ATRN: variants seen among roughly 807,000 people sequenced by gnomAD.
ATRN encodes the protein attractin.
A neutral mutation model predicts 178.7 loss-of-function variants in ATRN; 54 were observed. The ratio of observed to expected loss-of-function variants is 0.30; its 90% confidence interval spans 0.24 to 0.38. ATRN has a LOEUF of 0.38. Among genes scored for constraint, ATRN ranks in the 10% least tolerant of loss-of-function variants. ATRN has a pLI of 1.00. For synonymous variants in ATRN, 636 were observed against 663.0 expected (o/e 0.96, Z 0.63); for missense variants, 1,443 against 1,815.1 (o/e 0.79, Z 3.73).
chr20:3,544,202 C>T (rs955388936), intron 3 of ATRN, among the ~76,000 whole-genome samples: 35 of 152,140 alleles, frequency 2.3e-4, no homozygotes, highest in Non-Finnish European at 4.0e-4. Flanking sequence ...CAGCTTGCTT[C>T]TCCCCCATGC....
rs2146146825 is a variant in ATRN, at chr20:3,520,622, G to A, written c.411-14631G>A. Among the ~76,000 whole-genome samples the A allele has an allele frequency of 2.0e-5, 3 of 152,276 alleles. No individual in the cohort carries two copies. The South Asian group carries it at 6.2e-4, about 32-fold the overall frequency. ...TGATTCTTGTGCCTCAGACTCAAGA[G>A]TACTTGGGATTATAGGAGTGTGCCA... On this transcript the variant is annotated intron_variant, in intron 1 of 28. Transcript: ENST00000262919.
At chr20:3,540,367 G>C (rs373430377) in intron 3 of ATRN, 32 bp downstream of exon 3, 1 of 1,352,246 alleles carries the variant, frequency 7.4e-7, no homozygotes, top group Admixed American at 2.0e-5. Context: ...TTCTTTCATC[G>C]TTTGATTTCT....
At chr20:3,605,305 T>C (rs1357594255) in intron 24 of ATRN, among the ~76,000 whole-genome samples, 2 of 152,138 alleles carry the variant, frequency 1.3e-5, no homozygotes, top group South Asian at 2.1e-4. Flanking sequence ...ACACTGTTGG[T>C]GGGAGTGTAA....
At chr20:3,526,028 C>T (rs762693946) in intron 1 of ATRN, among the ~76,000 whole-genome samples, 4 of 151,930 alleles carry the variant, frequency 2.6e-5, no homozygotes, top group Non-Finnish European at 5.9e-5. Flanking sequence ...CCTATTCAAC[C>T]TAATATGGAA....
intron 1 of ATRN, among the ~76,000 whole-genome samples, chr20:3,520,060 T>C (rs1305793021): frequency 1.3e-5 from 2 of 152,184 alleles, no homozygotes; most frequent in East Asian, 1.9e-4. Flanking sequence ...AACAGTGAAC[T>C]TGTTTTTATG....
chr20:3,591,228 A>T lies in ATRN; in HGVS notation c.3244A>T (p.Asn1082Tyr). 1 of 1,614,198 alleles carries T rather than the reference A, an allele frequency of 6.2e-7. No individual in the cohort carries two copies. Among genetic ancestry groups the T allele is most frequent in the East Asian group, 2.2e-5 (1 of 44,890 alleles). The change falls in exon 19 of 29, where the codon AAC becomes TAC. Residue 1082 changes from asparagine to tyrosine, a missense_variant. Transcript: ENST00000262919. ...INQSICEKCE[N>Y]LTTGKHCETC... is the part of the protein sequence containing the mutation. ...TCAGAGCATCTGTGAGAAGTGTGAG[A>T]ACCTGACCACAGGCAAGCACTGCGA...
At chr20:3,492,141 G>A (rs2084802403) in intron 1 of ATRN, among the ~76,000 whole-genome samples, 1 of 150,374 alleles carries the variant, frequency 6.7e-6, no homozygotes, top group Admixed American at 6.7e-5. Flanking sequence ...TATACAAGAA[G>A]GGTTGAGAGC....
chr20:3,643,779 A>G (rs1007040240), intron 27 of ATRN, among the ~76,000 whole-genome samples: 1 of 152,232 alleles, frequency 6.6e-6, no homozygotes, highest in South Asian at 2.1e-4. Context: ...ATGCAGAACT[A>G]TCTGACAAAT....
chr20:3,611,934 GT>G (rs1192111826), intron 24 of ATRN, among the ~76,000 whole-genome samples: 1 of 152,116 alleles, frequency 6.6e-6, no homozygotes. Flanking sequence ...AAAATACTTT[GT>G]TTCTTAAAAA....
At chr20:3,626,333 A>G (rs576295983) in intron 25 of ATRN, among the ~76,000 whole-genome samples, 5 of 151,988 alleles carry the variant, frequency 3.3e-5, no homozygotes, top group African/African-American at 1.2e-4. Context: ...AGTGTCCAGT[A>G]TAATATTGAG....
intron 1 of ATRN, among the ~76,000 whole-genome samples, chr20:3,523,796 A>T (rs1381397651): frequency 6.6e-6 from 1 of 152,170 alleles, no homozygotes; most frequent in African/African-American, 2.4e-5. Context: ...TTCAACCCAG[A>T]ATTTCATATC....
At chr20:3,608,092 TGGTATATTCTGGTTATAAATCCCTTGTTG>T (rs2086701553) in intron 24 of ATRN, among the ~76,000 whole-genome samples, 1 of 152,220 alleles carries the variant, frequency 6.6e-6, no homozygotes, top group Non-Finnish European at 1.5e-5. Flanking sequence ...TTTGAATTGC[TGGTATATTCTGGTTATAAATCCCTTGTTG>T]GATGGATAGT....
chr20:3,582,530 C>T (rs2086295413), intron 16 of ATRN, among the ~76,000 whole-genome samples, 176 bp downstream of exon 16: 1 of 152,036 alleles, frequency 6.6e-6, no homozygotes, highest in Non-Finnish European at 1.5e-5. Context: ...TATTCTGGGA[C>T]CCTGAATAGT....
chr20:3,594,602 G>C (rs768568902), intron 20 of ATRN, 30 bp downstream of exon 20: 1 of 1,568,088 alleles, frequency 6.4e-7, no homozygotes, highest in Non-Finnish European at 8.7e-7. Context: ...GACCACCAGG[G>C]AGGACCAAGA....
chr20:3,622,673 T>G (rs998882604), intron 24 of ATRN, among the ~76,000 whole-genome samples: 4 of 152,270 alleles, frequency 2.6e-5, no homozygotes, highest in African/African-American at 9.6e-5. Context: ...AGTGCTTTCA[T>G]AAACATTTTC....
chr20:3,605,112 C>T (rs1033135220), intron 24 of ATRN, among the ~76,000 whole-genome samples: 6 of 152,120 alleles, frequency 3.9e-5, no homozygotes, highest in Admixed American at 3.9e-4. Flanking sequence ...TGTTCAGAAG[C>T]ATAATCAACC....
At chr20:3,491,220 A>T (rs1021999109) in intron 1 of ATRN, among the ~76,000 whole-genome samples, 9 of 151,956 alleles carry the variant, frequency 5.9e-5, no homozygotes, top group Non-Finnish European at 1.3e-4. Context: ...TCTGTGTTTC[A>T]TTTTACAACA....
intron 24 of ATRN, among the ~76,000 whole-genome samples, chr20:3,605,469 A>G (rs979570553): frequency 6.6e-6 from 1 of 152,240 alleles, no homozygotes; most frequent in African/African-American, 2.4e-5. Context: ...TGTTCATTGC[A>G]GCACTATTCA....
Position 3,471,289 on chromosome 20 carries a change from T to C in ATRN, c.182T>C (p.Leu61Pro). Residue 61 changes from leucine (L) to proline (P), a missense_variant, in exon 1 of 29, where the codon CTG becomes CCG. Around this residue, in one of 4 missense-constraint regions of ATRN, gnomAD observed 862 missense variants for 972.1 expected, o/e 0.89. Transcript: ENST00000262919. ...CTGTCTCCACCGCTGCGGCCACGGC[T>C]GCTGCTGCTGCTGTTGTTGCTCTCG... ...RLLSPPLRPRLLLLLLLLSPP... is the reference protein window; with the variant it reads ...RLLSPPLRPRPLLLLLLLSPP... 1 of 1,458,558 alleles carries C rather than the reference T, an allele frequency of 6.9e-7. No homozygotes were observed. Among genetic ancestry groups the C allele is most frequent in the Non-Finnish European group, 9.0e-7 (1 of 1,114,586 alleles). The allele number at this position is 1,458,558 out of a possible 1,614,324, so 90.4% of individuals were successfully genotyped here. A position where few individuals can be genotyped will look rare whatever the true frequency, so the allele number is the denominator to read the frequency against.
Sources: allele counts gnomAD v4.1 joint callset (sites outside exome capture counted in the v4.1 genomes callset), GRCh38; gene constraint gnomAD v4.1.1; regional missense constraint gnomAD v4.1.1; transcripts MANE v1.5; gene names NCBI Gene and HGNC (gene_info 2026-07-23, HGNC 2026-07-21).